Variants in NR5A2 observed in about 807,000 individuals in gnomAD.
NR5A2 encodes nuclear receptor subfamily 5 group A member 2.
In NR5A2, 26 loss-of-function variants were observed where a neutral mutation model predicts 62.7. The ratio of observed to expected loss-of-function variants is 0.41; its 90% CI spans 0.30 to 0.58. The LOEUF (loss-of-function observed/expected upper bound fraction) is 0.58. Among genes scored for constraint, NR5A2 ranks in the 20% least tolerant of loss-of-function variants. The pLI, the probability that NR5A2 is intolerant of heterozygous loss-of-function variation, is 0.22. For missense variants in NR5A2, 541 were observed against 669.1 expected, an observed-to-expected ratio of 0.81 and a Z score of 2.11; for synonymous variants, 246 against 241.7, an observed-to-expected ratio of 1.02 and a Z score of -0.16.
intron 7 of NR5A2, among the ~76,000 whole-genome samples, chr1:200,135,246 T>G (rs1667158964): frequency 6.6e-6 from 1 of 152,064 alleles, no homozygotes; most frequent in African/African-American, 2.4e-5. Context: ...TGAGGCCAGG[T>G]GCAGCGGCTC....
chr1:200,062,257 G>GTGTGTGTGTGTGTA lies in NR5A2; in HGVS notation c.1110+13440_1110+13441insGTGTGTGTGTGTAT, dbSNP rs1490926111. 1.1e-4 allele frequency among the ~76,000 whole-genome samples: 17 copies of GTGTGTGTGTGTGTA among 151,606 alleles called. No homozygotes were observed. In the East Asian group the frequency reaches 2.0e-3, roughly 17 times the overall value. On this transcript the variant is annotated intron_variant, in intron 5 of 7. Transcript: ENST00000367362. ...TGTGTGTGTGTGTGTGTGTGTGTGT[G>GTGTGTGTGTGTGTA]TATCTGTGTCCATGTGTGTATCGCA...
At chr1:200,164,928 G>A (rs1653827037) in intron 7 of NR5A2, among the ~76,000 whole-genome samples, 1 of 136,332 alleles carries the variant, frequency 7.3e-6, no homozygotes, top group Non-Finnish European at 1.5e-5. Context: ...CCAGGCTGGA[G>A]TGCAATGGCA....
Position 200,169,746 on chromosome 1 carries a change from A to G in NR5A2, c.1379-4217A>G, listed in dbSNP as rs568395727. Among the ~76,000 whole-genome samples, 7 of 152,366 alleles carry G rather than the reference A, an allele frequency of 4.6e-5. No individual in the cohort carries two copies. In the South Asian group the frequency reaches 1.4e-3, roughly 32 times the overall value. On this transcript the variant is annotated intron_variant, in intron 7 of 7. Coordinates refer to ENST00000367362, the MANE Select transcript of NR5A2 (RefSeq NM_205860.3). The stretch of plus-strand genomic sequence containing the variant: ...CGCCAGTCATCAAAATTTAAAGGCT[A>G]TAGAGAAAGGGTTGGGGATGCCTCT...
At position 200,048,345 on chromosome 1, in the gene NR5A2, A is replaced by G; in HGVS notation, c.637A>G (p.Ile213Val). 6.2e-7 allele frequency: 1 copy of G among 1,614,152 alleles called. No individual in the cohort carries two copies. The highest frequency in any genetic ancestry group is 2.2e-5 in the East Asian group (1 of 44,872). The change falls in exon 5 of 8, where the codon ATT becomes GTT. Residue 213 changes from isoleucine to valine, a missense_variant. By Grantham distance (29) the Ile-to-Val change is conservative (BLOSUM62 3). This residue lies in a region of NR5A2 where 379 missense variants were observed against 442.0 expected (regional missense o/e 0.86). Transcript: ENST00000367362. The surrounding 1 kb of genome is among the most constrained non-coding windows in gnomAD (Gnocchi z 4.8). Reference protein sequence around the residue: ...MPSDLTISSAIQNIHSASKGL... With the variant: ...MPSDLTISSAVQNIHSASKGL... ...CTCTGACCTGACCATTTCCTCTGCA[A>G]TTCAAAACATCCACTCTGCCTCCAA...
At chr1:200,133,988 C>T (rs1349223570) in intron 7 of NR5A2, among the ~76,000 whole-genome samples, 1 of 144,540 alleles carries the variant, frequency 6.9e-6, no homozygotes, top group African/African-American at 2.6e-5. Flanking sequence ...TCATCTTTAA[C>T]AAAAAAAGTT....
chr1:200,030,402 G>T (rs1661508578), intron 1 of NR5A2, among the ~76,000 whole-genome samples: 2 of 152,160 alleles, frequency 1.3e-5, no homozygotes, highest in South Asian at 2.1e-4. Context: ...GCAGAATTAA[G>T]ATAAAGTTGT....
At chr1:200,121,960 T>C (rs1666497670) in intron 7 of NR5A2, among the ~76,000 whole-genome samples, 1 of 152,200 alleles carries the variant, frequency 6.6e-6, no homozygotes, top group African/African-American at 2.4e-5. Context: ...TGCACAACTG[T>C]TGCTAATAAA....
chr1:200,141,699 A>G (rs980071476), intron 7 of NR5A2, among the ~76,000 whole-genome samples: 8 of 152,198 alleles, frequency 5.3e-5, no homozygotes, highest in African/African-American at 1.7e-4. Flanking sequence ...AGTTTGATCT[A>G]TTTACTAATA....
chr1:200,028,372 G>A (rs1229165487), intron 1 of NR5A2, among the ~76,000 whole-genome samples: 1 of 132,018 alleles, frequency 7.6e-6, no homozygotes, highest in Non-Finnish European at 1.5e-5. Context: ...TGCTTATACC[G>A]TAAAAAATTT....
In NR5A2 at chr1:200,027,735, T is replaced by C; in HGVS notation, c.-113T>C. On this transcript the variant is annotated 5_prime_UTR_variant, in exon 1 of 8. Coordinates refer to ENST00000367362, the MANE Select transcript of NR5A2 (RefSeq NM_205860.3). ...GCTTTTTCTTAACTTTCACTAAGGG[T>C]TACTGTAGTCTGATGTGTCCTTCCC... 1 of 584,266 alleles carries C rather than the reference T, an allele frequency of 1.7e-6. No individual in the cohort carries two copies. The highest frequency in any genetic ancestry group is 3.0e-6 in the Non-Finnish European group (1 of 331,044). The allele number at this position is 584,266 out of a possible 1,614,324, so 36.2% of individuals were successfully genotyped here. A position where few individuals can be genotyped will look rare whatever the true frequency, so the allele number is the denominator to read the frequency against.
At chr1:200,134,303 A>G (rs1667120780) in intron 7 of NR5A2, among the ~76,000 whole-genome samples, 1 of 152,184 alleles carries the variant, frequency 6.6e-6, no homozygotes, top group Non-Finnish European at 1.5e-5. Flanking sequence ...CCACTCACTC[A>G]CTGACTCACC....
At chr1:200,130,091 T>C (rs4325161) in intron 7 of NR5A2, among the ~76,000 whole-genome samples, 2,291 of 152,234 alleles carry the variant, frequency 0.015, 54 homozygotes, top group African/African-American at 0.052. Flanking sequence ...GTTGTGTTGT[T>C]TTTCTGCCAC....
chr1:200,027,753 T>C lies in NR5A2; in HGVS notation c.-95T>C, dbSNP rs1661399074. The stretch of plus-strand genomic sequence containing the variant: ...CTAAGGGTTACTGTAGTCTGATGTG[T>C]CCTTCCCAAGGCCACGAAATTTGAC... On this transcript the variant is annotated 5_prime_UTR_variant, in exon 1 of 8. Transcript: ENST00000367362. 4.0e-6 allele frequency: 3 copies of C among 753,982 alleles called. No individual in the cohort carries two copies. Among genetic ancestry groups the C allele is most frequent in the Non-Finnish European group, 6.6e-6 (3 of 453,410 alleles). The allele number at this position is 753,982 out of a possible 1,614,324, so 46.7% of individuals were successfully genotyped here. A position where few individuals can be genotyped will look rare whatever the true frequency, so the allele number is the denominator to read the frequency against.
intron 1 of NR5A2, among the ~76,000 whole-genome samples, chr1:200,030,425 C>T (rs528407820): frequency 6.6e-6 from 1 of 152,240 alleles, no homozygotes; most frequent in South Asian, 2.1e-4. Flanking sequence ...CTTCTGCCTA[C>T]CTGCAAGATA....
chr1:200,123,746 T>A (rs75881274), intron 7 of NR5A2, among the ~76,000 whole-genome samples: 7 of 97,280 alleles, frequency 7.2e-5, no homozygotes, highest in African/African-American at 2.8e-4. Context: ...ATTTTACTTA[T>A]TTAATTTTTT....
intron 7 of NR5A2, among the ~76,000 whole-genome samples, chr1:200,126,558 AT>A (rs1265300451): frequency 6.6e-6 from 1 of 152,228 alleles, no homozygotes; most frequent in Non-Finnish European, 1.5e-5. Flanking sequence ...GCTAAAAAAA[AT>A]GCAAGCACAA....
At chr1:200,128,665 T>G (rs1666832841) in intron 7 of NR5A2, among the ~76,000 whole-genome samples, 1 of 152,232 alleles carries the variant, frequency 6.6e-6, no homozygotes, top group East Asian at 1.9e-4. Flanking sequence ...TCTCTAAGAT[T>G]TAGGTGGACG....
At chr1:200,150,965 A>G (rs1452918975) in intron 7 of NR5A2, among the ~76,000 whole-genome samples, 1 of 152,172 alleles carries the variant, frequency 6.6e-6, no homozygotes, top group Non-Finnish European at 1.5e-5. Context: ...TAAGAATTGA[A>G]GGTAGTTGAT....
intron 6 of NR5A2, 112 bp from the exon 7 acceptor site, chr1:200,120,696 T>C: frequency 8.9e-7 from 1 of 1,120,354 alleles, no homozygotes; most frequent in Non-Finnish European, 1.2e-6. Context: ...ACATCTCTAT[T>C]CTATTTTAAA....
Sources: allele counts gnomAD v4.1 joint callset (sites outside exome capture counted in the v4.1 genomes callset), GRCh38; gene constraint gnomAD v4.1.1; regional missense constraint gnomAD v4.1.1; non-coding constraint Gnocchi (gnomAD v3.1); transcripts MANE v1.5; gene names NCBI Gene and HGNC (gene_info 2026-07-23, HGNC 2026-07-21).